Variants in PRR5L observed in about 807,000 individuals in gnomAD.
PRR5L encodes proline-rich protein 5-like.
PRR5L carries 21 observed loss-of-function variants against 36.4 expected under a neutral mutation model. The observed-to-expected ratio is 0.58, with a 90% CI of 0.41 to 0.83. PRR5L has a LOEUF of 0.83. Ranked by LOEUF, PRR5L falls within the 40% of genes least tolerant of loss-of-function variation. The pLI is 0.00. For missense variants in PRR5L, 381 were observed against 473.3 expected, an observed-to-expected ratio of 0.80 and a Z score of 1.81; for synonymous variants, 188 against 197.0, an observed-to-expected ratio of 0.95 and a Z score of 0.38.
At chr11:36,450,192 A>G (rs111232893) in intron 7 of PRR5L, among the ~76,000 whole-genome samples, 1 of 152,168 alleles carries the variant, frequency 6.6e-6, no homozygotes, top group Admixed American at 6.5e-5. Flanking sequence ...TTCCTGCCTC[A>G]TTACCTGAAC....
chr11:36,351,665 A>T (rs1333708906), intron 1 of PRR5L, among the ~76,000 whole-genome samples: 104 of 3,822 alleles, frequency 0.027, 32 homozygotes, highest in Non-Finnish European at 0.045. Context: ...ATAAATATAT[A>T]TTTATATACT....
At chr11:36,456,307 T>C (rs1859056620) in intron 8 of PRR5L, among the ~76,000 whole-genome samples, 1 of 152,166 alleles carries the variant, frequency 6.6e-6, no homozygotes, top group African/African-American at 2.4e-5. Flanking sequence ...CCAAACCACA[T>C]CCTTGGCCTT....
chr11:36,337,339 C>T (rs893546668), intron 1 of PRR5L, among the ~76,000 whole-genome samples: 4 of 152,298 alleles, frequency 2.6e-5, no homozygotes, highest in Non-Finnish European at 2.9e-5. Context: ...TCTTCTGCCA[C>T]GTGAGGACTC....
chr11:36,401,215 C>G lies in PRR5L; in HGVS notation c.94C>G (p.Leu32Val). ...ACCGCGCTTCATGAGCTCCCCCGTG[C>G]TCAGCGACCTTCCCCGATTCCAAGC... ...PRPRFMSSPV[L>V]SDLPRFQAAR... Residue 32 changes from leucine to valine, a missense_variant, in exon 2 of 9, where the codon CTC (leucine) becomes GTC (valine). Leu to Val is a conservative substitution (Grantham distance 32). Transcript: ENST00000530639. The G allele has an allele frequency of 6.2e-7, 1 of 1,613,988 alleles. No individual in the cohort carries two copies. The highest frequency in any genetic ancestry group is 8.5e-7 in the Non-Finnish European group (1 of 1,179,984).
In PRR5L at chr11:36,465,000, T is replaced by TATCA. The variant is rs1420465539; in HGVS notation, c.*2265_*2268dup. The TATCA allele has an allele frequency of 1.3e-5, 2 of 152,238 alleles. No homozygotes were observed. Among genetic ancestry groups the TATCA allele is most frequent in the African/African-American group, 2.4e-5 (1 of 41,456 alleles). 9.4% of individuals were successfully genotyped at this position (152,238 alleles called of 1,614,324 possible). ...TATTGATGTTTATGGTCATGTTAGC[T>TATCA]ATCAGAGAGCTATTGGAGTGAGAGC... On this transcript the variant is annotated 3_prime_UTR_variant, in exon 9 of 9. Coordinates refer to ENST00000530639, the MANE Select transcript of PRR5L (RefSeq NM_001160167.2).
intron 8 of PRR5L, chr11:36,455,358 T>A (rs532770433): frequency 1.8e-4 from 27 of 152,936 alleles, no homozygotes; most frequent in African/African-American, 6.5e-4. Flanking sequence ...AGGCTTTGCA[T>A]CTCTCTGGGG....
chr11:36,419,303 G>A lies in PRR5L; in HGVS notation c.294G>A (p.Gln98=). ...GATCATTCATTACAGACTATTTTCA[G>A]GTAAGCTGTGTGGATCTGAGCATCC... ...ELGSFITDYF[Q]NQLLAKGLFF... is the part of the protein sequence containing the mutation. Residue 98 remains glutamine (Q), a splice_region_variant and synonymous_variant, in exon 4 of 9, where the codon CAG becomes CAA. Transcript: ENST00000530639. The A allele has an allele frequency of 6.2e-7, 1 of 1,613,672 alleles. No individual in the cohort carries two copies. Among genetic ancestry groups the A allele is most frequent in the South Asian group, 1.1e-5 (1 of 91,084 alleles).
intron 1 of PRR5L, among the ~76,000 whole-genome samples, chr11:36,395,940 G>A (rs962546273): frequency 6.6e-6 from 1 of 151,966 alleles, no homozygotes; most frequent in Non-Finnish European, 1.5e-5. Flanking sequence ...ACATTTCCCA[G>A]GCTGGTCTCA....
intron 1 of PRR5L, among the ~76,000 whole-genome samples, chr11:36,307,533 C>A (rs1275216884): frequency 2.0e-5 from 3 of 152,182 alleles, no homozygotes; most frequent in African/African-American, 4.8e-5. Flanking sequence ...TTGCCTACAT[C>A]CTCAGGCAGA....
chr11:36,401,390 G>A, intron 2 of PRR5L, 105 bp downstream of exon 2: 1 of 1,087,080 alleles, frequency 9.2e-7, no homozygotes, highest in South Asian at 1.5e-5. Flanking sequence ...GGAAGGCCGT[G>A]ATTATGGGGG....
At chr11:36,430,930 T>C (rs1340298749) in intron 4 of PRR5L, among the ~76,000 whole-genome samples, 2 of 152,186 alleles carry the variant, frequency 1.3e-5, no homozygotes, top group Non-Finnish European at 2.9e-5. Flanking sequence ...AAAGAATGCA[T>C]TAGGTACTTT....
intron 1 of PRR5L, among the ~76,000 whole-genome samples, chr11:36,374,694 C>T (rs1453218891): frequency 2.0e-5 from 3 of 152,174 alleles, no homozygotes; most frequent in Non-Finnish European, 4.4e-5. Flanking sequence ...TGAATCCCAG[C>T]AGGGATTCTA....
chr11:36,317,968 T>C (rs1856574650), intron 1 of PRR5L, among the ~76,000 whole-genome samples: 1 of 152,236 alleles, frequency 6.6e-6, no homozygotes, highest in Admixed American at 6.5e-5. Flanking sequence ...TATACAGTCA[T>C]ATACCACATA....
intron 6 of PRR5L, among the ~76,000 whole-genome samples, chr11:36,442,238 T>A (rs914583631): frequency 6.6e-6 from 1 of 152,246 alleles, no homozygotes; most frequent in Non-Finnish European, 1.5e-5. Context: ...ATGCTCTGTT[T>A]TCCTTTTAAT....
chr11:36,333,577 T>C (rs933469617), intron 1 of PRR5L, among the ~76,000 whole-genome samples: 2 of 152,198 alleles, frequency 1.3e-5, no homozygotes, highest in Admixed American at 1.3e-4. Flanking sequence ...TAGAACAGCA[T>C]GGATTAATCT....
chr11:36,384,234 T>C (rs1857419203), intron 1 of PRR5L, among the ~76,000 whole-genome samples: 1 of 152,232 alleles, frequency 6.6e-6, no homozygotes, highest in African/African-American at 2.4e-5. Context: ...GGCAAGGAAG[T>C]AGAGAACCTG....
At chr11:36,331,022 T>C (rs1856713259) in intron 1 of PRR5L, among the ~76,000 whole-genome samples, 1 of 152,198 alleles carries the variant, frequency 6.6e-6, no homozygotes, top group South Asian at 2.1e-4. Flanking sequence ...GCCAGGCTAG[T>C]CTTGAACTCC....
intron 1 of PRR5L, among the ~76,000 whole-genome samples, chr11:36,346,354 C>G (rs1485326881): frequency 6.6e-6 from 1 of 152,080 alleles, no homozygotes; most frequent in African/African-American, 2.4e-5. Flanking sequence ...GAGGCTGAGG[C>G]GGGTGGATCA....
rs1859242121 is a variant in PRR5L at position 36,463,836 on chromosome 11, C to T, written c.*1100C>T. 6.6e-6 allele frequency: 1 copy of T among 152,098 alleles called. No homozygotes were observed. 9.4% of individuals were successfully genotyped at this position (152,098 alleles called of 1,614,324 possible). Reference sequence around the variant, plus strand: ...CTAGAAGCAGCTGGACTTGAACCCACAATGGCTTGTGTAAATTCGTAAATT... The same window carrying T: ...CTAGAAGCAGCTGGACTTGAACCCATAATGGCTTGTGTAAATTCGTAAATT... On this transcript the variant is annotated 3_prime_UTR_variant, in exon 9 of 9. Transcript: ENST00000530639.
Sources: allele counts gnomAD v4.1 joint callset (sites outside exome capture counted in the v4.1 genomes callset), GRCh38; gene constraint gnomAD v4.1.1; transcripts MANE v1.5; gene names NCBI Gene and HGNC (gene_info 2026-07-23, HGNC 2026-07-21).